KLHL1: variants seen among roughly 807,000 people sequenced by gnomAD.
KLHL1 encodes the protein kelch like family member 1.
In KLHL1, 47 loss-of-function variants were observed where a neutral mutation model predicts 77.7. The observed-to-expected ratio is 0.60, with a 90% CI of 0.48 to 0.77. The LOEUF (loss-of-function observed/expected upper bound fraction) is 0.77, where lower values mean the gene tolerates loss of function less well. KLHL1 is among the 30% of genes least tolerant of loss of function. The pLI is 0.00. For synonymous variants in KLHL1, 360 were observed against 325.2 expected (o/e 1.11, Z -1.15); for missense variants, 925 against 910.8 (o/e 1.02, Z -0.20).
intron 7 of KLHL1, among the ~76,000 whole-genome samples, chr13:69,757,093 T>A (rs868195803): frequency 2.0e-5 from 3 of 152,126 alleles, no homozygotes; most frequent in African/African-American, 7.2e-5. Flanking sequence ...TCTGAGAAAT[T>A]TTACCCAGTC....
intron 5 of KLHL1, among the ~76,000 whole-genome samples, chr13:69,848,655 A>G (rs1308822635): frequency 6.6e-6 from 1 of 151,574 alleles, no homozygotes; most frequent in Non-Finnish European, 1.5e-5. Context: ...CAAATTAATG[A>G]CATGCTAAAA....
intron 6 of KLHL1, among the ~76,000 whole-genome samples, chr13:69,832,855 G>A (rs1252634187): frequency 6.7e-6 from 1 of 150,358 alleles, no homozygotes; most frequent in East Asian, 1.9e-4. Context: ...ATAGAGTGGG[G>A]AAAGGACAAC....
At chr13:69,994,922 T>A (rs1351792900) in intron 1 of KLHL1, among the ~76,000 whole-genome samples, 6 of 152,094 alleles carry the variant, frequency 3.9e-5, no homozygotes, top group Non-Finnish European at 8.8e-5. Context: ...TAGTGAACTT[T>A]TAAAGCTCTC....
At chr13:70,068,530 G>C (rs1887068636) in intron 1 of KLHL1, among the ~76,000 whole-genome samples, 1 of 152,096 alleles carries the variant, frequency 6.6e-6, no homozygotes, top group Admixed American at 6.5e-5. Flanking sequence ...TTTCACAAAT[G>C]TTACCTCAGC....
intron 2 of KLHL1, among the ~76,000 whole-genome samples, chr13:69,970,575 G>T (rs985830095): frequency 6.6e-6 from 1 of 152,004 alleles, no homozygotes; most frequent in Admixed American, 6.6e-5. Flanking sequence ...TTATTCTGTG[G>T]AAGTCTATGT....
At chr13:70,092,540 ATAT>A (rs1176800088) in intron 1 of KLHL1, among the ~76,000 whole-genome samples, 2 of 152,190 alleles carry the variant, frequency 1.3e-5, no homozygotes, top group African/African-American at 4.8e-5. Flanking sequence ...CACAGCTTTT[ATAT>A]TATTAGATAC....
intron 7 of KLHL1, among the ~76,000 whole-genome samples, chr13:69,756,383 T>C (rs1288714601): frequency 6.6e-6 from 1 of 152,202 alleles, no homozygotes; most frequent in Admixed American, 6.5e-5. Flanking sequence ...TTCTGATCAA[T>C]ATTTTATTGA....
At chr13:69,891,740 T>C (rs2138210056) in intron 4 of KLHL1, among the ~76,000 whole-genome samples, 1 of 152,178 alleles carries the variant, frequency 6.6e-6, no homozygotes, top group South Asian at 2.1e-4. Flanking sequence ...TTTGGAATGT[T>C]ATGCAAAACA....
intron 1 of KLHL1, among the ~76,000 whole-genome samples, chr13:69,982,217 T>C (rs1884729998): frequency 6.6e-6 from 1 of 151,802 alleles, no homozygotes; most frequent in South Asian, 2.1e-4. Context: ...GCGGATTACC[T>C]GAGTTCAGGA....
At chr13:69,867,314 T>A (rs1880401934) in intron 5 of KLHL1, among the ~76,000 whole-genome samples, 1 of 152,074 alleles carries the variant, frequency 6.6e-6, no homozygotes, top group Admixed American at 6.6e-5. Context: ...AATCAAAACA[T>A]TATCTTCCAA....
At chr13:70,041,348 A>G (rs1886376375) in intron 1 of KLHL1, among the ~76,000 whole-genome samples, 2 of 152,198 alleles carry the variant, frequency 1.3e-5, no homozygotes, top group African/African-American at 4.8e-5. Flanking sequence ...TTACAATAGT[A>G]TGGATTTAAT....
At chr13:69,813,172 T>G (rs1156304658) in intron 6 of KLHL1, among the ~76,000 whole-genome samples, 1 of 151,932 alleles carries the variant, frequency 6.6e-6, no homozygotes, top group Admixed American at 6.6e-5. Context: ...ATGTCCTTTG[T>G]AGGGACATGG....
At chr13:69,913,530 GT>G (rs892358997) in intron 4 of KLHL1, among the ~76,000 whole-genome samples, 3 of 152,160 alleles carry the variant, frequency 2.0e-5, no homozygotes, top group Non-Finnish European at 4.4e-5. Context: ...CAGTTTTGTT[GT>G]TTCAGTGACG....
At chr13:70,085,816 A>T (rs1221062760) in intron 1 of KLHL1, among the ~76,000 whole-genome samples, 2 of 152,180 alleles carry the variant, frequency 1.3e-5, no homozygotes, top group South Asian at 2.1e-4. Flanking sequence ...GTGAGCCGAG[A>T]TCGCACCACT....
chr13:69,743,984 A>C (rs1874096974), intron 7 of KLHL1, among the ~76,000 whole-genome samples: 1 of 152,156 alleles, frequency 6.6e-6, no homozygotes, highest in Non-Finnish European at 1.5e-5. Flanking sequence ...TTACACATTT[A>C]AGTGGGGCAA....
intron 5 of KLHL1, among the ~76,000 whole-genome samples, chr13:69,871,916 TA>T (rs1247273962): frequency 6.6e-6 from 1 of 152,102 alleles, no homozygotes; most frequent in Non-Finnish European, 1.5e-5. Context: ...CTTTATTTTT[TA>T]AGCCCTCCAA....
At chr13:69,953,441 G>GTTATTCTTAGTAGA (rs745453813) in intron 3 of KLHL1, among the ~76,000 whole-genome samples, 22 of 151,038 alleles carry the variant, frequency 1.5e-4, no homozygotes, top group Non-Finnish European at 3.3e-4. Flanking sequence ...AATAACTCTA[G>GTTATTCTTAGTAGA]ATCTAGTAGA....
chr13:69,985,056 G>A (rs755699292), intron 1 of KLHL1, among the ~76,000 whole-genome samples: 3 of 152,148 alleles, frequency 2.0e-5, no homozygotes, highest in African/African-American at 7.2e-5. Context: ...AGTTTGCAGT[G>A]AGCCGAGATT....
At chr13:70,007,749 T>C (rs756633471) in intron 1 of KLHL1, among the ~76,000 whole-genome samples, 12 of 151,986 alleles carry the variant, frequency 7.9e-5, no homozygotes, top group Admixed American at 4.6e-4. Context: ...TCATAAACCA[T>C]AATTATTCAC....
Sources: gnomAD v4.1 joint callset for allele counts (sites outside exome capture counted in the v4.1 genomes callset) on GRCh38, gnomAD v4.1.1 for gene constraint, MANE v1.5 for transcripts, NCBI Gene and HGNC (gene_info 2026-07-23, HGNC 2026-07-21) for gene names.